Variants in RANBP2 observed in about 807,000 individuals in gnomAD.
RANBP2 encodes RAN binding protein 2.
In RANBP2, 57 loss-of-function variants were observed where a neutral mutation model predicts 303.6. That is an observed-to-expected ratio of 0.19 (90% CI 0.15 to 0.23). The LOEUF is 0.23. RANBP2 is among the 10% of genes least tolerant of loss of function. RANBP2 has a pLI of 1.00. For synonymous variants in RANBP2, 1,167 were observed against 1,301.5 expected (o/e 0.90, Z 2.23); for missense variants, 3,138 against 3,780.8 (o/e 0.83, Z 4.46).
the RANBP2 span, among the ~76,000 whole-genome samples, chr2:109,058,355 CTTA>C: frequency 1.3e-5 from 2 of 152,228 alleles, no homozygotes; most frequent in African/African-American, 4.8e-5. Flanking sequence ...GCCCCACATT[CTTA>C]TTATAGCTTC....
chr2:109,631,123 G>A, the RANBP2 span, among the ~76,000 whole-genome samples: 1 of 152,148 alleles, frequency 6.6e-6, no homozygotes, highest in South Asian at 2.1e-4. Flanking sequence ...AAAGGAAAAA[G>A]GGCTTGCTGT....
the RANBP2 span, among the ~76,000 whole-genome samples, chr2:109,362,494 C>T: frequency 6.6e-6 from 1 of 152,060 alleles, no homozygotes; most frequent in Non-Finnish European, 1.5e-5. Context: ...TATGGTCTGT[C>T]CTGGTGAATG....
the RANBP2 span, among the ~76,000 whole-genome samples, chr2:109,154,260 G>C: frequency 6.6e-6 from 1 of 152,192 alleles, no homozygotes; most frequent in Non-Finnish European, 1.5e-5. Context: ...TGACCACATT[G>C]GATGGAAGCT....
chr2:108,827,115 A>T, the RANBP2 span, among the ~76,000 whole-genome samples: 1 of 152,312 alleles, frequency 6.6e-6, no homozygotes, highest in Non-Finnish European at 1.5e-5. Context: ...CACCTCTATT[A>T]TTTAACATTA....
At chr2:109,765,283 C>T in the RANBP2 span, among the ~76,000 whole-genome samples, 1 of 146,654 alleles carries the variant, frequency 6.8e-6, no homozygotes, top group African/African-American at 2.5e-5. Flanking sequence ...ACCCACCACC[C>T]CTTGAACATG....
the RANBP2 span, among the ~76,000 whole-genome samples, chr2:109,189,514 A>G: frequency 6.6e-6 from 1 of 151,856 alleles, no homozygotes; most frequent in African/African-American, 2.4e-5. Flanking sequence ...GATTACAGGC[A>G]CACACCACCA....
chr2:109,553,519 G>A, the RANBP2 span, among the ~76,000 whole-genome samples: 33 of 151,038 alleles, frequency 2.2e-4, no homozygotes, highest in African/African-American at 7.6e-4. Flanking sequence ...ACTCCAGCCT[G>A]GGTGACAGAG....
the RANBP2 span, among the ~76,000 whole-genome samples, chr2:109,679,026 T>C: frequency 2.0e-5 from 3 of 152,230 alleles, no homozygotes; most frequent in Non-Finnish European, 4.4e-5. Context: ...GACAACACTG[T>C]AGCTCATGCT....
At chr2:109,630,317 C>T in the RANBP2 span, among the ~76,000 whole-genome samples, 1 of 152,154 alleles carries the variant, frequency 6.6e-6, no homozygotes, top group Admixed American at 6.5e-5. Context: ...CAAACCAACC[C>T]AGAGCCAGCA....
the RANBP2 span, among the ~76,000 whole-genome samples, chr2:109,328,372 C>T: frequency 6.6e-6 from 1 of 152,136 alleles, no homozygotes; most frequent in Non-Finnish European, 1.5e-5. Flanking sequence ...GAACATAGTC[C>T]CTTTCCCTGG....
the RANBP2 span, among the ~76,000 whole-genome samples, chr2:109,415,524 T>C: frequency 2.0e-5 from 3 of 152,160 alleles, no homozygotes; most frequent in Admixed American, 6.5e-5. Flanking sequence ...GACCCCCTCC[T>C]GACTCCCTTG....
the RANBP2 span, among the ~76,000 whole-genome samples, chr2:109,166,697 T>C: frequency 6.6e-6 from 1 of 152,350 alleles, no homozygotes; most frequent in South Asian, 2.1e-4. Context: ...AAGTTCTTTT[T>C]CAAAGCAATT....
chr2:109,333,043 G>GT, the RANBP2 span, among the ~76,000 whole-genome samples: 1 of 152,242 alleles, frequency 6.6e-6, no homozygotes. Context: ...GGGAATGCGC[G>GT]TGAGTGCAGA....
chr2:108,798,620 A>G, the RANBP2 span: 1 of 1,497,462 alleles, frequency 6.7e-7, no homozygotes, highest in Non-Finnish European at 9.1e-7. Flanking sequence ...AGAGTGGTAT[A>G]TTTCTTCTTT....
chr2:109,534,788 T>C, the RANBP2 span, among the ~76,000 whole-genome samples: 1 of 151,834 alleles, frequency 6.6e-6, no homozygotes, highest in Non-Finnish European at 1.5e-5. Flanking sequence ...AAAAAAAGTT[T>C]GGGAGTGAAA....
intron 20 of RANBP2, among the ~76,000 whole-genome samples, chr2:108,770,847 A>G (rs1244717990): frequency 1.3e-5 from 2 of 152,266 alleles, no homozygotes; most frequent in East Asian, 1.9e-4. Flanking sequence ...ACTTACTGTT[A>G]GCACGTCTTG....
At chr2:109,572,103 T>TA in the RANBP2 span, among the ~76,000 whole-genome samples, 1 of 152,226 alleles carries the variant, frequency 6.6e-6, no homozygotes, top group Admixed American at 6.5e-5. Context: ...CCAAAAGTCT[T>TA]AGAGTGAGCT....
the RANBP2 span, among the ~76,000 whole-genome samples, chr2:109,583,578 G>A: frequency 8.3e-4 from 126 of 152,298 alleles, no homozygotes; most frequent in Non-Finnish European, 1.6e-3. Flanking sequence ...AAAGCAGTTT[G>A]GAGATTTCTC....
Position 108,766,022 on chromosome 2 carries a change from A to G in RANBP2, c.5483A>G (p.Lys1828Arg). ...PSAFTLGSEM[K>R]LHDSSGSQVG... ...GCTTTCACACTGGGCTCAGAAATGA[A>G]GTTGCATGACTCTTCTGGAAGTCAG... The change falls in exon 20 of 29, where the codon AAG (lysine) becomes AGG (arginine). Residue 1828 changes from lysine to arginine, a missense_variant. This residue lies in a region of RANBP2 where 348 missense variants were observed against 360.4 expected (regional missense o/e 0.97). Coordinates refer to ENST00000283195, the MANE Select transcript of RANBP2 (RefSeq NM_006267.5). The G allele has an allele frequency of 6.2e-7, 1 of 1,614,172 alleles. No homozygotes were observed. Among genetic ancestry groups the G allele is most frequent in the South Asian group, 1.1e-5 (1 of 91,090 alleles).
Sources: allele counts gnomAD v4.1 joint callset (sites outside exome capture counted in the v4.1 genomes callset), GRCh38; gene constraint gnomAD v4.1.1; regional missense constraint gnomAD v4.1.1; transcripts MANE v1.5; gene names NCBI Gene and HGNC (gene_info 2026-07-23, HGNC 2026-07-21).